CGAS: variants seen among roughly 807,000 people sequenced by gnomAD.
The protein encoded by CGAS is cyclic GMP-AMP synthase.
In CGAS, 31 loss-of-function variants were observed where a neutral mutation model predicts 34.0. The observed-to-expected ratio is 0.91, with a 90% confidence interval of 0.69 to 1.23. CGAS has a LOEUF of 1.23. Ranked by LOEUF, CGAS falls within the 50% of genes most tolerant of loss-of-function variation. The probability of loss-of-function intolerance (pLI) is 0.00; values close to 1 mark genes in which losing one functional copy is unlikely to be tolerated. For missense variants in CGAS, 597 were observed against 657.6 expected (o/e 0.91, Z 1.01); for synonymous variants, 266 against 260.0 (o/e 1.02, Z -0.22).
chr6:73,428,639 G>C (rs897594120), intron 4 of CGAS, 70 bp downstream of exon 4: 2 of 1,420,108 alleles, frequency 1.4e-6, no homozygotes, highest in East Asian at 2.3e-5. Context: ...CTTCAGGTCT[G>C]AGGTGTGGAG....
chr6:73,444,469 C>T (rs1397527484), intron 2 of CGAS, among the ~76,000 whole-genome samples: 2 of 151,240 alleles, frequency 1.3e-5, no homozygotes, highest in East Asian at 1.9e-4. Flanking sequence ...CCACCACACC[C>T]GGCTAATTTT....
chr6:73,448,848 G>A (rs1324756532), intron 1 of CGAS, among the ~76,000 whole-genome samples: 1 of 152,094 alleles, frequency 6.6e-6, no homozygotes, highest in Non-Finnish European at 1.5e-5. Context: ...CCAGCACTTT[G>A]AAAGGCTGAT....
intron 2 of CGAS, among the ~76,000 whole-genome samples, chr6:73,443,402 C>T (rs1295407085): frequency 6.6e-6 from 1 of 151,944 alleles, no homozygotes; most frequent in African/African-American, 2.4e-5. Flanking sequence ...CCACGCCCGG[C>T]TAGTTTTTTG....
chr6:73,440,119 G>T, intron 3 of CGAS, 90 bp downstream of exon 3: 3 of 1,181,024 alleles, frequency 2.5e-6, no homozygotes, highest in South Asian at 1.6e-5. Context: ...AATGACAACA[G>T]CATTGGTTGG....
chr6:73,439,195 A>G (rs1770332052), intron 3 of CGAS, among the ~76,000 whole-genome samples: 1 of 151,634 alleles, frequency 6.6e-6, no homozygotes, highest in Non-Finnish European at 1.5e-5. Flanking sequence ...ATATAAATCT[A>G]TGGGAGAAAA....
rs1460001697 is a variant in CGAS at position 73,452,071 on chromosome 6, A to C, written c.111T>G (p.Ser37=). ...GCAGGGCGGCCTCGGGGGCAGCCGG[A>C]GACTCGGTGGGATCCATCGGGGCGC... ...ARGAPMDPTE[S]PAAPEAALPK... Residue 37 remains serine, a synonymous_variant, in exon 1 of 5, where the codon TCT becomes TCG. Coordinates refer to ENST00000370315, the MANE Select transcript of CGAS (RefSeq NM_138441.3). 1 of 1,550,386 alleles carries C rather than the reference A, an allele frequency of 6.5e-7. No homozygotes were observed. The highest frequency in any genetic ancestry group is 1.4e-5 in the African/African-American group (1 of 72,498).
chr6:73,446,273 T>G (rs1770467636), intron 1 of CGAS, among the ~76,000 whole-genome samples: 2 of 145,606 alleles, frequency 1.4e-5, no homozygotes, highest in African/African-American at 5.1e-5. Context: ...GATGTTGCAG[T>G]GAGCCAAAAT....
At chr6:73,432,307 A>T (rs964107712) in intron 3 of CGAS, among the ~76,000 whole-genome samples, 1 of 151,916 alleles carries the variant, frequency 6.6e-6, no homozygotes, top group South Asian at 2.1e-4. Flanking sequence ...GATTACAGGC[A>T]TGCGCCACCA....
chr6:73,443,110 T>C (rs1195384233), intron 2 of CGAS, among the ~76,000 whole-genome samples: 2 of 152,180 alleles, frequency 1.3e-5, no homozygotes, highest in South Asian at 2.1e-4. Context: ...ATTTCTCTTG[T>C]CAACCCCACA....
intron 3 of CGAS, among the ~76,000 whole-genome samples, chr6:73,432,103 T>C (rs1770205017): frequency 6.6e-6 from 1 of 152,128 alleles, no homozygotes; most frequent in African/African-American, 2.4e-5. Flanking sequence ...GAATTACAGC[T>C]GTGAGCCACT....
intron 3 of CGAS, among the ~76,000 whole-genome samples, chr6:73,437,962 G>A (rs921226868): frequency 2.0e-5 from 3 of 151,972 alleles, no homozygotes; most frequent in South Asian, 2.1e-4. Context: ...CCAGCTACTC[G>A]AGATGCTGAA....
At chr6:73,436,173 A>C (rs1461551221) in intron 3 of CGAS, among the ~76,000 whole-genome samples, 2 of 151,878 alleles carry the variant, frequency 1.3e-5, no homozygotes, top group African/African-American at 4.8e-5. Context: ...AGCCTCCCGA[A>C]GGCTGAGGAA....
chr6:73,451,843 C>T lies in CGAS; in HGVS notation c.339G>A (p.Pro113=), dbSNP rs1770574222. 1.3e-6 allele frequency: 2 copies of T among 1,550,830 alleles called. No homozygotes were observed. Among genetic ancestry groups the T allele is most frequent in the Non-Finnish European group, 8.7e-7 (1 of 1,147,730 alleles). ...GGCAAGAACCAGCCCTGGAAAGAGCCGGCTCCCGAGCCGCAGGAGGCTCCA... is the reference window on the plus strand; with the variant it reads ...GGCAAGAACCAGCCCTGGAAAGAGCTGGCTCCCGAGCCGCAGGAGGCTCCA... ...EGLEPPAARE[P]ALSRAGSCRQ... The change falls in exon 1 of 5, where the codon CCG becomes CCA. Residue 113 remains proline (P), a synonymous_variant. Transcript: ENST00000370315.
In CGAS at chr6:73,425,164, T is replaced by C. The variant is rs752218028; in HGVS notation, c.*63A>G. 131 of 1,289,056 alleles carry C rather than the reference T, an allele frequency of 1.0e-4. 1 individual carries two copies. The highest frequency in any genetic ancestry group is 1.3e-4 in the Non-Finnish European group (128 of 948,420). 79.9% of individuals were successfully genotyped at this position (1,289,056 alleles called of 1,614,324 possible). A position where few individuals can be genotyped will look rare whatever the true frequency, so the allele number is the denominator to read the frequency against. On this transcript the variant is annotated 3_prime_UTR_variant, in exon 5 of 5. Coordinates refer to ENST00000370315, the MANE Select transcript of CGAS (RefSeq NM_138441.3). ...CACAGCGTCTGGCCCCTTTTCAAAT[T>C]TTTCTTGTATTCTCCAGGATTTAGG...
intron 2 of CGAS, among the ~76,000 whole-genome samples, chr6:73,443,877 A>G (rs948325800): frequency 3.9e-5 from 6 of 152,220 alleles, no homozygotes; most frequent in Admixed American, 6.6e-5. Context: ...GCTTGGAAAG[A>G]TCTAGGAACA....
rs764904396 is a variant in CGAS at position 73,425,145 on chromosome 6, G to C, written c.*82C>G. On this transcript the variant is annotated 3_prime_UTR_variant, in exon 5 of 5. Coordinates refer to ENST00000370315, the MANE Select transcript of CGAS (RefSeq NM_138441.3). ...TGGGATTACAGGTGTGAGCCACAGCGTCTGGCCCCTTTTCAAATTTTTCTT... is the reference window on the plus strand; with the variant it reads ...TGGGATTACAGGTGTGAGCCACAGCCTCTGGCCCCTTTTCAAATTTTTCTT... 1 of 1,041,598 alleles carries C rather than the reference G, an allele frequency of 9.6e-7. No homozygotes were observed. Among genetic ancestry groups the C allele is most frequent in the African/African-American group, 1.6e-5 (1 of 61,462 alleles). The allele number at this position is 1,041,598 out of a possible 1,614,324, so 64.5% of individuals were successfully genotyped here. A position where few individuals can be genotyped will look rare whatever the true frequency, so the allele number is the denominator to read the frequency against.
At chr6:73,429,369 ACCT>A (rs1181180998) in intron 3 of CGAS, among the ~76,000 whole-genome samples, 1 of 152,128 alleles carries the variant, frequency 6.6e-6, no homozygotes, top group Non-Finnish European at 1.5e-5. Flanking sequence ...AAGATGTATT[ACCT>A]TTTATATATT....
In CGAS at chr6:73,425,397, A is replaced by G; in HGVS notation, c.1399T>C (p.Cys467Arg). The stretch of plus-strand genomic sequence containing the variant: ...AGGCACTGAAGAAAGTATGTCACGC[A>G]GTTATCAAAGCAGAGGCCCAGGTCT... The part of the protein sequence containing the change: ...RKDLGLCFDN[C>R]VTYFLQCLRT... Residue 467 changes from cysteine to arginine, a missense_variant, in exon 5 of 5, where the codon TGC (cysteine) becomes CGC (arginine). Coordinates refer to ENST00000370315, the MANE Select transcript of CGAS (RefSeq NM_138441.3). 4 of 1,613,922 alleles carry G rather than the reference A, an allele frequency of 2.5e-6. No homozygotes were observed. In the South Asian group the frequency reaches 4.4e-5, roughly 18 times the overall value.
intron 2 of CGAS, among the ~76,000 whole-genome samples, chr6:73,444,305 AATTTAATTTT>A (rs1017917167): frequency 2.1e-5 from 3 of 141,558 alleles, no homozygotes; most frequent in African/African-American, 7.9e-5. Flanking sequence ...AATTTAATTT[AATTTAATTTT>A]ATTTTATTTT....
Sources: allele counts gnomAD v4.1 joint callset (sites outside exome capture counted in the v4.1 genomes callset), GRCh38; gene constraint gnomAD v4.1.1; transcripts MANE v1.5; gene names NCBI Gene and HGNC (gene_info 2026-07-23, HGNC 2026-07-21).